HNRNPH3: variants seen among roughly 807,000 people sequenced by gnomAD.
HNRNPH3 encodes heterogeneous nuclear ribonucleoprotein 2H9.
In HNRNPH3, 7 loss-of-function variants were observed where a neutral mutation model predicts 47.0. The observed-to-expected ratio is 0.15, with a 90% CI of 0.08 to 0.28. The LOEUF (loss-of-function observed/expected upper bound fraction) is 0.28. Among genes scored for constraint, HNRNPH3 ranks in the 10% least tolerant of loss-of-function variants. HNRNPH3 has a pLI of 1.00. For missense variants in HNRNPH3, 279 were observed against 449.6 expected, an observed-to-expected ratio of 0.62 and a Z score of 3.43; for synonymous variants, 120 against 143.2, an observed-to-expected ratio of 0.84 and a Z score of 1.16.
rs371617131 is a variant in HNRNPH3, at chr10:68,341,497, CTTAA to C, written c.776-85_776-82del. On this transcript the variant is annotated intron_variant, in intron 7 of 9. Coordinates refer to ENST00000265866, the MANE Select transcript of HNRNPH3 (RefSeq NM_012207.3). ...AATAAGCATACTTTGTTTAATATTA[CTTAA>C]TTGATCTTTTTTACAAAGCTTGTAT... The C allele has an allele frequency of 1.0e-3, 1,056 of 1,050,504 alleles. 9 individuals are homozygous for C. In the African/African-American group the frequency reaches 0.014, roughly 14 times the overall value. 65.1% of individuals were successfully genotyped at this position (1,050,504 alleles called of 1,614,324 possible).
chr10:68,339,058 C>T (rs760419287), intron 4 of HNRNPH3, 82 bp from the exon 5 acceptor site: 13 of 1,128,198 alleles, frequency 1.2e-5, no homozygotes, highest in South Asian at 5.8e-5. Context: ...CAGACTGTTA[C>T]CACAAAATGT....
chr10:68,337,803 G>GT lies in HNRNPH3; in HGVS notation c.113-52dup. On this transcript the variant is annotated intron_variant, in intron 2 of 9. Transcript: ENST00000265866. The surrounding 1 kb of genome is among the most constrained non-coding windows in gnomAD (Gnocchi z 4.5). ...TTAAATATTTGATTCAGATGGGAAT[G>GT]TTTCAGCCTTTAACACTGTTCCCCT... 6.9e-7 allele frequency: 1 copy of GT among 1,450,180 alleles called. No individual in the cohort carries two copies. Among genetic ancestry groups the GT allele is most frequent in the Non-Finnish European group, 9.5e-7 (1 of 1,056,076 alleles). The allele number at this position is 1,450,180 out of a possible 1,614,324, so 89.8% of individuals were successfully genotyped here.
At position 68,338,580 on chromosome 10, in the gene HNRNPH3, G is replaced by T. The variant is rs1249475561; in HGVS notation, c.329G>T (p.Arg110Leu). 3 of 1,613,392 alleles carry T rather than the reference G, an allele frequency of 1.9e-6. No homozygotes were observed. The highest frequency in any genetic ancestry group is 1.7e-4 in the Middle Eastern group (1 of 6,058). ...CCACCAAGAAGATTGCTGGGACAGC[G>T]ACCGGGACCATATGATAGACCAATA... is the stretch of plus-strand genomic sequence containing the variant. ...YDPPRRLLGQ[R>L]PGPYDRPIGG... Residue 110 changes from arginine to leucine, a missense_variant, in exon 4 of 10, where the codon CGA (arginine) becomes CTA (leucine). By Grantham distance (102) the Arg-to-Leu change is moderately radical. Transcript: ENST00000265866.
At position 68,343,165 on chromosome 10, in the gene HNRNPH3, A is replaced by G. The variant is rs745317017; in HGVS notation, c.*1111A>G. 13 of 152,206 alleles carry G rather than the reference A, an allele frequency of 8.5e-5. No individual in the cohort carries two copies. Among genetic ancestry groups the G allele is most frequent in the African/African-American group, 2.9e-4 (12 of 41,456 alleles). The allele number at this position is 152,206 out of a possible 1,614,324, so 9.4% of individuals were successfully genotyped here. ...GTTACTTGTTTTTGCCAGAAATGTT[A>G]TTAATAAATGTCATTGTGGGAGATA... On this transcript the variant is annotated 3_prime_UTR_variant, in exon 10 of 10. Coordinates refer to ENST00000265866, the MANE Select transcript of HNRNPH3 (RefSeq NM_012207.3).
intron 1 of HNRNPH3, among the ~76,000 whole-genome samples, chr10:68,336,521 A>G (rs901754992): frequency 6.6e-6 from 1 of 152,214 alleles, no homozygotes; most frequent in Non-Finnish European, 1.5e-5. Context: ...AAACACAGGT[A>G]CTGTTGGAAG....
At position 68,343,166 on chromosome 10, in the gene HNRNPH3, T is replaced by C. The variant is rs1350807579; in HGVS notation, c.*1112T>C. On this transcript the variant is annotated 3_prime_UTR_variant, in exon 10 of 10. Coordinates refer to ENST00000265866, the MANE Select transcript of HNRNPH3 (RefSeq NM_012207.3). ...TTACTTGTTTTTGCCAGAAATGTTA[T>C]TAATAAATGTCATTGTGGGAGATAA... The C allele has an allele frequency of 1.3e-5, 2 of 152,224 alleles. No individual in the cohort carries two copies. Among genetic ancestry groups the C allele is most frequent in the Non-Finnish European group, 2.9e-5 (2 of 68,034 alleles). The allele number at this position is 152,224 out of a possible 1,614,324, so 9.4% of individuals were successfully genotyped here.
chr10:68,340,236 C>G (rs551507195), intron 6 of HNRNPH3, among the ~76,000 whole-genome samples: 1 of 152,312 alleles, frequency 6.6e-6, no homozygotes, highest in Admixed American at 6.5e-5. Flanking sequence ...TGGGGTTTCA[C>G]CATGTTGATC....
Position 68,337,475 on chromosome 10 carries a change from A to G in HNRNPH3, c.112+142A>G, listed in dbSNP as rs541808537. ...GTCTTGGTTAATGTATTAAAATAATATGCTCCAGTTAATATTCAATACAGA... is the reference window on the plus strand; with the variant it reads ...GTCTTGGTTAATGTATTAAAATAATGTGCTCCAGTTAATATTCAATACAGA... On this transcript the variant is annotated intron_variant, in intron 2 of 9. Transcript: ENST00000265866. This position sits in a 1 kb window ranked among gnomAD's most constrained non-coding sequence, Gnocchi z 4.5. 56 of 601,432 alleles carry G rather than the reference A, an allele frequency of 9.3e-5. No individual in the cohort carries two copies. The highest frequency in any genetic ancestry group is 1.4e-4 in the Non-Finnish European group (48 of 338,954). 37.3% of individuals were successfully genotyped at this position (601,432 alleles called of 1,614,324 possible).
intron 6 of HNRNPH3, among the ~76,000 whole-genome samples, chr10:68,340,493 A>G (rs7071140): frequency 0.11 from 16,763 of 152,164 alleles, 1,124 homozygotes; most frequent in South Asian, 0.24. Context: ...AGGTCAGCAA[A>G]CTTCAGTCCA....
chr10:68,341,196 T>G lies in HNRNPH3; in HGVS notation c.662T>G (p.Ile221Arg). ...TAGTTCTTCTCACCACTAAATCCAA[T>G]ACGAGTTCATATTGATATTGGAGCT... is the stretch of plus-strand genomic sequence containing the variant. ...IANFFSPLNP[I>R]RVHIDIGADG... Residue 221 changes from isoleucine (I) to arginine (R), a missense_variant, in exon 7 of 10, where the codon ATA becomes AGA. Coordinates refer to ENST00000265866, the MANE Select transcript of HNRNPH3 (RefSeq NM_012207.3). The G allele has an allele frequency of 6.3e-7, 1 of 1,584,270 alleles. No individual in the cohort carries two copies. The highest frequency in any genetic ancestry group is 8.5e-7 in the Non-Finnish European group (1 of 1,170,134).
rs1423135089 is a variant in HNRNPH3, at chr10:68,337,030, C to T, written c.-23-169C>T. 10 of 482,830 alleles carry T rather than the reference C, an allele frequency of 2.1e-5. No homozygotes were observed. Among genetic ancestry groups the T allele is most frequent in the East Asian group, 6.5e-5 (2 of 30,658 alleles). 29.9% of individuals were successfully genotyped at this position (482,830 alleles called of 1,614,324 possible). ...GGGGGTCAGGTCTCATTGCCTTTTC[C>T]GTACCCCAAAATATGAAAGGTGGTC... is the stretch of plus-strand genomic sequence containing the variant. On this transcript the variant is annotated intron_variant, in intron 1 of 9. Transcript: ENST00000265866. The surrounding 1 kb of genome is among the most constrained non-coding windows in gnomAD (Gnocchi z 4.5).
intron 1 of HNRNPH3, chr10:68,333,022 C>T (rs1278311728): frequency 6.6e-6 from 1 of 152,080 alleles, no homozygotes; most frequent in African/African-American, 2.4e-5. Context: ...TCTAGGGCAG[C>T]TAGATAAACG....
In HNRNPH3 at chr10:68,334,106, G is replaced by C. The variant is rs571595836; in HGVS notation, c.-24+1890G>C. The stretch of plus-strand genomic sequence containing the variant: ...ACTGAACTGCAGTAGATAAAAACCT[G>C]GTTCTAGTGAACTAACATTTTAGAG... On this transcript the variant is annotated intron_variant, in intron 1 of 9. Coordinates refer to ENST00000265866, the MANE Select transcript of HNRNPH3 (RefSeq NM_012207.3). Among the ~76,000 whole-genome samples, 106 of 152,200 alleles carry C rather than the reference G, an allele frequency of 7.0e-4. No individual in the cohort carries two copies. In the South Asian group the frequency reaches 0.021, roughly 30 times the overall value.
rs1261486718 is a variant in HNRNPH3 at position 68,338,089 on chromosome 10, T to C, written c.251+93T>C. On this transcript the variant is annotated intron_variant, in intron 3 of 9. Transcript: ENST00000265866. Reference sequence around the variant, plus strand: ...AATGGGGGGGTAGCCATAACATTTTTCTGGGGTAGTTTAAAAGAATTGATA... The same window carrying C: ...AATGGGGGGGTAGCCATAACATTTTCCTGGGGTAGTTTAAAAGAATTGATA... The C allele has an allele frequency of 8.4e-6, 8 of 954,014 alleles. No individual in the cohort carries two copies. In the African/African-American group the frequency reaches 1.3e-4, roughly 16 times the overall value. The allele number at this position is 954,014 out of a possible 1,614,324, so 59.1% of individuals were successfully genotyped here. A position where few individuals can be genotyped will look rare whatever the true frequency, so the allele number is the denominator to read the frequency against.
intron 1 of HNRNPH3, among the ~76,000 whole-genome samples, chr10:68,333,455 GTTTTT>G (rs5785858): frequency 1.3e-5 from 2 of 151,964 alleles, no homozygotes; most frequent in Non-Finnish European, 2.9e-5. Context: ...ATTTTGTGCA[GTTTTT>G]TTTTCCGATG....
rs191677703 is a variant in HNRNPH3, at chr10:68,341,069, G to A, written c.640-105G>A. 18 of 710,370 alleles carry A rather than the reference G, an allele frequency of 2.5e-5. No homozygotes were observed. In the East Asian group the frequency reaches 4.8e-4, roughly 19 times the overall value. 44.0% of individuals were successfully genotyped at this position (710,370 alleles called of 1,614,324 possible). Reference sequence around the variant, plus strand: ...GTTGACTAAGTTATTAGTCTGACAGGGCAGTGGAAGGGTTTGTTTTAATTG... The same window carrying A: ...GTTGACTAAGTTATTAGTCTGACAGAGCAGTGGAAGGGTTTGTTTTAATTG... On this transcript the variant is annotated intron_variant, in intron 6 of 9. Coordinates refer to ENST00000265866, the MANE Select transcript of HNRNPH3 (RefSeq NM_012207.3).
chr10:68,340,788 TTCTC>T (rs893288751), intron 6 of HNRNPH3, among the ~76,000 whole-genome samples: 3 of 146,540 alleles, frequency 2.0e-5, no homozygotes, highest in African/African-American at 7.6e-5. Flanking sequence ...TATCCCGTAT[TTCTC>T]TCTGTGTGTT....
In HNRNPH3 at chr10:68,337,343, G is replaced by A; in HGVS notation, c.112+10G>A. The A allele has an allele frequency of 7.0e-7, 1 of 1,429,534 alleles. No individual in the cohort carries two copies. Among genetic ancestry groups the A allele is most frequent in the Non-Finnish European group, 9.9e-7 (1 of 1,012,954 alleles). 88.6% of individuals were successfully genotyped at this position (1,429,534 alleles called of 1,614,324 possible). ...GTTCAGTTCTTTCAAGGTACCTCTA[G>A]TATTAGTCAAAGTTTAGTAGTATTG... On this transcript the variant is annotated intron_variant, in intron 2 of 9. Coordinates refer to ENST00000265866, the MANE Select transcript of HNRNPH3 (RefSeq NM_012207.3). This position sits in a 1 kb window ranked among gnomAD's most constrained non-coding sequence, Gnocchi z 4.5.
chr10:68,342,404 C>T lies in HNRNPH3; in HGVS notation c.*350C>T. ...TGTAATTTTAGAGGATAATGGTTCACCTCTGCGTAAACTGCAAGTCTTAAG... is the reference window on the plus strand; with the variant it reads ...TGTAATTTTAGAGGATAATGGTTCATCTCTGCGTAAACTGCAAGTCTTAAG... On this transcript the variant is annotated 3_prime_UTR_variant, in exon 10 of 10. Transcript: ENST00000265866. 5.5e-6 allele frequency: 1 copy of T among 183,180 alleles called. No homozygotes were observed. The highest frequency in any genetic ancestry group is 1.1e-5 in the Non-Finnish European group (1 of 87,358). The allele number at this position is 183,180 out of a possible 1,614,324, so 11.3% of individuals were successfully genotyped here. A position where few individuals can be genotyped will look rare whatever the true frequency, so the allele number is the denominator to read the frequency against.
Sources: gnomAD v4.1 joint callset for allele counts (sites outside exome capture counted in the v4.1 genomes callset) on GRCh38, gnomAD v4.1.1 for gene constraint, Gnocchi (gnomAD v3.1) non-coding constraint, MANE v1.5 for transcripts, NCBI Gene and HGNC (gene_info 2026-07-23, HGNC 2026-07-21) for gene names.